The following ZNF618 variants were observed in gnomAD, a reference collection of about 807,000 sequenced individuals.
ZNF618 encodes neural precursor cell expressed, developmentally down-regulated 10.
Under a neutral mutation model 103.0 loss-of-function variants are expected in ZNF618, and 34 were observed. The ratio of observed to expected loss-of-function variants is 0.33; its 90% CI spans 0.25 to 0.44. ZNF618 has a LOEUF of 0.44. ZNF618 is among the 20% of genes least tolerant of loss of function. The probability of loss-of-function intolerance (pLI) is 1.00; values close to 1 mark genes in which losing one functional copy is unlikely to be tolerated. For missense variants in ZNF618, 1,059 were observed against 1,295.4 expected (o/e 0.82, Z 2.80); for synonymous variants, 551 against 542.2 (o/e 1.02, Z -0.23).
chr9:113,989,826 C>A (rs1421743562), intron 3 of ZNF618, among the ~76,000 whole-genome samples: 6 of 152,246 alleles, frequency 3.9e-5, no homozygotes, highest in African/African-American at 1.4e-4. Context: ...CCATCTCAGC[C>A]CCACCTGGGT....
At chr9:113,979,783 C>A (rs1248800453) in intron 2 of ZNF618, among the ~76,000 whole-genome samples, 1 of 152,222 alleles carries the variant, frequency 6.6e-6, no homozygotes, top group Non-Finnish European at 1.5e-5. Context: ...TCCTCTAGCT[C>A]ACGTTCTAGT....
At chr9:114,030,020 G>A (rs1005517275) in intron 11 of ZNF618, among the ~76,000 whole-genome samples, 2 of 152,144 alleles carry the variant, frequency 1.3e-5, no homozygotes, top group African/African-American at 4.8e-5. Context: ...CTGGGACCGC[G>A]GGCCCTTCAG....
intron 1 of ZNF618, among the ~76,000 whole-genome samples, chr9:113,966,267 G>A (rs921868764): frequency 2.6e-5 from 4 of 152,126 alleles, no homozygotes; most frequent in Non-Finnish European, 5.9e-5. Context: ...GGGAGAAATC[G>A]AGGCCTTGGA....
At chr9:113,886,528 A>G (rs1829086841) in intron 1 of ZNF618, among the ~76,000 whole-genome samples, 1 of 152,190 alleles carries the variant, frequency 6.6e-6, no homozygotes, top group Non-Finnish European at 1.5e-5. Context: ...AAAAATAACT[A>G]TAAACATTTA....
chr9:114,007,609 C>T (rs1051494801), intron 7 of ZNF618, among the ~76,000 whole-genome samples, 170 bp downstream of exon 7: 2 of 152,288 alleles, frequency 1.3e-5, no homozygotes, highest in East Asian at 1.9e-4. Flanking sequence ...GGGGCGGGAA[C>T]GTCACCATCA....
At chr9:113,979,260 C>T (rs115689129) in intron 2 of ZNF618, among the ~76,000 whole-genome samples, 2,647 of 152,260 alleles carry the variant, frequency 0.017, 86 homozygotes, top group African/African-American at 0.061. Flanking sequence ...AGCAGCCACC[C>T]TGTCGCCTTA....
chr9:113,894,053 AT>A (rs1409920870), intron 1 of ZNF618, among the ~76,000 whole-genome samples: 1 of 152,194 alleles, frequency 6.6e-6, no homozygotes, highest in Non-Finnish European at 1.5e-5. Flanking sequence ...CTCCAAGATG[AT>A]TTTGTCAATT....
chr9:113,904,582 C>G (rs1276266339), intron 1 of ZNF618, among the ~76,000 whole-genome samples: 1 of 152,182 alleles, frequency 6.6e-6, no homozygotes, highest in African/African-American at 2.4e-5. Context: ...TTTGACTGCT[C>G]TAACAAATTA....
intron 9 of ZNF618, chr9:114,016,008 A>T: frequency 9.2e-7 from 1 of 1,089,092 alleles, no homozygotes; most frequent in Non-Finnish European, 1.4e-6. Flanking sequence ...CCCTCCCCCA[A>T]GGGGGTAGAT....
At chr9:114,044,424 T>C (rs1033245008) in intron 13 of ZNF618, among the ~76,000 whole-genome samples, 5 of 152,238 alleles carry the variant, frequency 3.3e-5, no homozygotes, top group African/African-American at 4.8e-5. Flanking sequence ...GCCAGTACTA[T>C]GCTATTTTGG....
At chr9:113,977,197 C>G (rs895196284) in intron 2 of ZNF618, among the ~76,000 whole-genome samples, 1 of 152,090 alleles carries the variant, frequency 6.6e-6, no homozygotes, top group Admixed American at 6.5e-5. Context: ...GATAGCAAAG[C>G]TATGTCAGCA....
chr9:113,939,764 T>G (rs1834384706), intron 1 of ZNF618, among the ~76,000 whole-genome samples: 1 of 151,986 alleles, frequency 6.6e-6, no homozygotes, highest in African/African-American at 2.4e-5. Flanking sequence ...CTTCCTTTCT[T>G]CTTCCCTCTT....
intron 1 of ZNF618, among the ~76,000 whole-genome samples, chr9:113,920,737 G>T (rs897204713): frequency 1.3e-5 from 2 of 152,178 alleles, no homozygotes; most frequent in Non-Finnish European, 2.9e-5. Flanking sequence ...ACATCATAAG[G>T]TGGTGGTAAG....
intron 1 of ZNF618, among the ~76,000 whole-genome samples, chr9:113,922,642 C>T (rs374277184): frequency 3.9e-5 from 6 of 152,212 alleles, no homozygotes; most frequent in African/African-American, 1.4e-4. Context: ...TCTGTCTGTT[C>T]TGTTTATTGT....
At chr9:113,942,119 A>G (rs1834608232) in intron 1 of ZNF618, among the ~76,000 whole-genome samples, 1 of 152,210 alleles carries the variant, frequency 6.6e-6, no homozygotes, top group Admixed American at 6.5e-5. Flanking sequence ...CCTCGTGGGT[A>G]TCAGAGACGG....
At chr9:113,904,356 TG>T (rs1830804816) in intron 1 of ZNF618, among the ~76,000 whole-genome samples, 1 of 152,314 alleles carries the variant, frequency 6.6e-6, no homozygotes, top group Non-Finnish European at 1.5e-5. Flanking sequence ...ATATTTATGA[TG>T]GCTGTTTCAA....
At position 114,050,442 on chromosome 9, in the gene ZNF618, G is replaced by GCACACA. The variant is rs113819665; in HGVS notation, c.*303_*308dup. The GCACACA allele has an allele frequency of 3.0e-3, 637 of 210,424 alleles. 3 individuals are homozygous for GCACACA. Among genetic ancestry groups the GCACACA allele is most frequent in the African/African-American group, 6.8e-3 (280 of 40,888 alleles). 13.0% of individuals were successfully genotyped at this position (210,424 alleles called of 1,614,324 possible). On this transcript the variant is annotated 3_prime_UTR_variant, in exon 15 of 15. Transcript: ENST00000374126. Reference sequence around the variant, plus strand: ...ATGGCCAGAGAAACTTTGCACACACGCACACACACACACACACACACACAC... The same window carrying GCACACA: ...ATGGCCAGAGAAACTTTGCACACACGCACACACACACACACACACACACACACACAC...
At chr9:113,890,788 C>A (rs956171487) in intron 1 of ZNF618, among the ~76,000 whole-genome samples, 5 of 152,152 alleles carry the variant, frequency 3.3e-5, no homozygotes, top group African/African-American at 1.2e-4. Flanking sequence ...TATTTTATAT[C>A]TTTGATGGCC....
At chr9:114,029,092 T>G in intron 11 of ZNF618, 120 bp downstream of exon 11, 1 of 1,389,672 alleles carries the variant, frequency 7.2e-7, no homozygotes, top group Non-Finnish European at 9.6e-7. Flanking sequence ...CCCGTAGTGA[T>G]CTGGGACAAA....
Sources: gnomAD v4.1 joint callset for allele counts (sites outside exome capture counted in the v4.1 genomes callset) on GRCh38, gnomAD v4.1.1 for gene constraint, MANE v1.5 for transcripts, NCBI Gene and HGNC (gene_info 2026-07-23, HGNC 2026-07-21) for gene names.